The following LIMCH1 variants were observed in gnomAD, a reference collection of about 807,000 sequenced individuals.
LIMCH1 encodes the protein LIM and calponin homology domains 1.
In LIMCH1, 113 loss-of-function variants were observed where a neutral mutation model predicts 176.5. That is an observed-to-expected ratio of 0.64 (90% confidence interval 0.55 to 0.75). The LOEUF (loss-of-function observed/expected upper bound fraction) is 0.75, where lower values mean the gene tolerates loss of function less well. Among genes scored for constraint, LIMCH1 ranks in the 30% least tolerant of loss-of-function variants. The pLI is 0.00. For synonymous variants in LIMCH1, 619 were observed against 645.9 expected (o/e 0.96, Z 0.63); for missense variants, 1,674 against 1,814.9 (o/e 0.92, Z 1.41).
chr4:41,421,347 G>A (rs2060590833), intron 1 of LIMCH1, among the ~76,000 whole-genome samples: 1 of 152,150 alleles, frequency 6.6e-6, no homozygotes, highest in Non-Finnish European at 1.5e-5. Flanking sequence ...AGGTCAGATC[G>A]CTGATTCAGG....
chr4:41,411,005 G>A (rs2059430361), intron 1 of LIMCH1, among the ~76,000 whole-genome samples: 1 of 152,106 alleles, frequency 6.6e-6, no homozygotes, highest in Admixed American at 6.5e-5. Flanking sequence ...ACCACCATCA[G>A]GTTATTTCTT....
chr4:41,671,397 AAC>A (rs141018823), intron 21 of LIMCH1, among the ~76,000 whole-genome samples, 155 bp from the exon 22 acceptor site: 5,000 of 137,252 alleles, frequency 0.036, 142 homozygotes, highest in African/African-American at 0.092. Context: ...TGACTTACCA[AAC>A]ACACACACAC....
chr4:41,640,748 G>C (rs753590390), intron 14 of LIMCH1, among the ~76,000 whole-genome samples: 16 of 152,030 alleles, frequency 1.1e-4, no homozygotes, highest in Non-Finnish European at 1.8e-4. Context: ...AATCTTTAAA[G>C]GCAGTTTTTT....
intron 2 of LIMCH1, chr4:41,524,383 T>A: frequency 6.3e-7 from 1 of 1,597,126 alleles, no homozygotes; most frequent in Non-Finnish European, 8.6e-7. Flanking sequence ...TATGTCTCAC[T>A]TGACATTCTG....
At chr4:41,652,286 C>G (rs546110410) in intron 18 of LIMCH1, among the ~76,000 whole-genome samples, 1 of 151,920 alleles carries the variant, frequency 6.6e-6, no homozygotes, top group South Asian at 2.1e-4. Context: ...TATAATTCTT[C>G]CACGCAGTAC....
At chr4:41,406,621 G>C (rs1455450629) in intron 1 of LIMCH1, among the ~76,000 whole-genome samples, 1 of 152,164 alleles carries the variant, frequency 6.6e-6, no homozygotes, top group Non-Finnish European at 1.5e-5. Flanking sequence ...GAAATGTCAA[G>C]GATTTTGTTT....
At chr4:41,686,801 C>G (rs1721148411) in intron 28 of LIMCH1, among the ~76,000 whole-genome samples, 1 of 152,124 alleles carries the variant, frequency 6.6e-6, no homozygotes, top group South Asian at 2.1e-4. Flanking sequence ...GTTACATTTT[C>G]CTTTTTCCCA....
At chr4:41,389,683 G>A (rs762318812) in intron 1 of LIMCH1, 1 of 152,182 alleles carries the variant, frequency 6.6e-6, no homozygotes, top group East Asian at 1.9e-4. Context: ...TTCCCAACCT[G>A]CCTGCTCATC....
At chr4:41,406,382 A>C (rs1398223092) in intron 1 of LIMCH1, among the ~76,000 whole-genome samples, 1 of 152,206 alleles carries the variant, frequency 6.6e-6, no homozygotes, top group Admixed American at 6.5e-5. Flanking sequence ...TAGTGATGTC[A>C]TCAGAAGCTT....
chr4:41,687,146 C>T (rs116114609), intron 28 of LIMCH1, among the ~76,000 whole-genome samples: 6,825 of 152,232 alleles, frequency 0.045, 201 homozygotes, highest in South Asian at 0.11. Context: ...TTGTTCTTTT[C>T]TGTGTTCTAC....
intron 1 of LIMCH1, among the ~76,000 whole-genome samples, chr4:41,454,098 C>T (rs1184745520): frequency 1.3e-5 from 2 of 152,108 alleles, no homozygotes; most frequent in Admixed American, 1.3e-4. Flanking sequence ...CCCTGTTATT[C>T]TCTTTCAATG....
At chr4:41,551,089 C>T (rs937100019) in intron 1 of LIMCH1, 1 of 152,120 alleles carries the variant, frequency 6.6e-6, no homozygotes, top group African/African-American at 2.4e-5. Context: ...TCCAAAAATT[C>T]AGAATGTTTC....
Position 41,538,168 on chromosome 4 carries a change from C to G in LIMCH1, c.-423C>G. The G allele has an allele frequency of 5.1e-6, 5 of 985,516 alleles. No individual in the cohort carries two copies. The highest frequency in any genetic ancestry group is 6.0e-6 in the Non-Finnish European group (5 of 829,986). The allele number at this position is 985,516 out of a possible 1,614,324, so 61.0% of individuals were successfully genotyped here. On this transcript the variant is annotated 5_prime_UTR_variant, in exon 1 of 32. Coordinates refer to ENST00000503057, the MANE Select transcript of LIMCH1 (RefSeq NM_001330672.2). The stretch of plus-strand genomic sequence containing the variant: ...CCTTTCACTGCATCAGCATTTCAGC[C>G]GCAGCAGCCTGCTTGTGGACAGAGC...
chr4:41,575,179 G>A (rs887371952), intron 1 of LIMCH1, among the ~76,000 whole-genome samples: 4 of 152,210 alleles, frequency 2.6e-5, no homozygotes, highest in Admixed American at 2.6e-4. Context: ...ACCATGTTAA[G>A]TATGAAGACA....
chr4:41,506,993 G>T (rs1206045121), intron 2 of LIMCH1, among the ~76,000 whole-genome samples: 1 of 152,136 alleles, frequency 6.6e-6, no homozygotes, highest in African/African-American at 2.4e-5. Flanking sequence ...TGTCCACTTG[G>T]CTACAAATTG....
At position 41,698,021 on chromosome 4, in the gene LIMCH1, C is replaced by G. The variant is rs1280987159; in HGVS notation, c.*836C>G. On this transcript the variant is annotated 3_prime_UTR_variant, in exon 32 of 32. Transcript: ENST00000503057. Reference sequence around the variant, plus strand: ...CTTCCAAAGAGTCAATGTCAGACATCAGGCCTCTGTTGCCTGCTTCTCTCG... The same window carrying G: ...CTTCCAAAGAGTCAATGTCAGACATGAGGCCTCTGTTGCCTGCTTCTCTCG... The G allele has an allele frequency of 2.0e-5, 3 of 152,158 alleles. No individual in the cohort carries two copies. The allele number at this position is 152,158 out of a possible 1,614,324, so 9.4% of individuals were successfully genotyped here.
At chr4:41,547,144 T>C (rs1226341210) in intron 1 of LIMCH1, among the ~76,000 whole-genome samples, 1 of 152,222 alleles carries the variant, frequency 6.6e-6, no homozygotes, top group Non-Finnish European at 1.5e-5. Flanking sequence ...GCTTGCTGAC[T>C]TATTTCTTTG....
chr4:41,589,489 G>A (rs1424469123), intron 1 of LIMCH1, among the ~76,000 whole-genome samples: 1 of 152,144 alleles, frequency 6.6e-6, no homozygotes, highest in African/African-American at 2.4e-5. Context: ...ACAGAGAAGG[G>A]TTAGGTTATT....
intron 2 of LIMCH1, among the ~76,000 whole-genome samples, chr4:41,496,324 G>A (rs1045620959): frequency 6.6e-6 from 1 of 152,184 alleles, no homozygotes; most frequent in African/African-American, 2.4e-5. Flanking sequence ...TGTATTTGAA[G>A]GAGCACGAGC....
Sources: allele counts gnomAD v4.1 joint callset (sites outside exome capture counted in the v4.1 genomes callset), GRCh38; gene constraint gnomAD v4.1.1; transcripts MANE v1.5; gene names NCBI Gene and HGNC (gene_info 2026-07-23, HGNC 2026-07-21).